The following THOC7 variants were observed in gnomAD, a reference collection of about 807,000 sequenced individuals.
THOC7 encodes NIF3L1-binding protein 1.
In THOC7, 22 loss-of-function variants were observed where a neutral mutation model predicts 33.1. That is an observed-to-expected ratio of 0.66 (90% confidence interval 0.47 to 0.95). The LOEUF is 0.95. Among genes scored for constraint, THOC7 ranks in the 40% least tolerant of loss-of-function variants. The pLI, the probability that THOC7 is intolerant of heterozygous loss-of-function variation, is 0.00. For missense variants in THOC7, 184 were observed against 245.3 expected, an observed-to-expected ratio of 0.75 and a Z score of 1.67; for synonymous variants, 77 against 76.8, an observed-to-expected ratio of 1.00 and a Z score of -0.01.
intron 1 of THOC7, among the ~76,000 whole-genome samples, chr3:63,854,205 TA>T (rs1702069434): frequency 6.6e-6 from 1 of 152,156 alleles, no homozygotes; most frequent in Non-Finnish European, 1.5e-5. Context: ...AGAAACAGAA[TA>T]AAACAAAAAG....
At chr3:63,858,014 A>G (rs569848689) in intron 1 of THOC7, among the ~76,000 whole-genome samples, 3 of 151,610 alleles carry the variant, frequency 2.0e-5, no homozygotes, top group African/African-American at 7.3e-5. Context: ...GGCACTAATG[A>G]AAAAAAAACC....
intron 3 of THOC7, 80 bp downstream of exon 3, chr3:63,838,292 C>T: frequency 9.3e-7 from 1 of 1,073,612 alleles, no homozygotes; most frequent in Non-Finnish European, 1.3e-6. Flanking sequence ...CTTTTACCAC[C>T]AAAGAAAATT....
chr3:63,852,807 CA>C (rs1702042554), intron 1 of THOC7, among the ~76,000 whole-genome samples: 1 of 152,170 alleles, frequency 6.6e-6, no homozygotes, highest in South Asian at 2.1e-4. Context: ...GCTACCAAAG[CA>C]TACACAGTTA....
intron 1 of THOC7, among the ~76,000 whole-genome samples, chr3:63,842,819 C>T (rs558238569): frequency 1.3e-5 from 2 of 152,126 alleles, no homozygotes; most frequent in African/African-American, 2.4e-5. Flanking sequence ...GAATTCACCA[C>T]TGATCTGGCT....
chr3:63,856,971 G>A (rs956826614), intron 1 of THOC7, among the ~76,000 whole-genome samples: 1 of 152,154 alleles, frequency 6.6e-6, no homozygotes, highest in African/African-American at 2.4e-5. Flanking sequence ...ACCCGCCTCG[G>A]CCTCCCCAAG....
intron 1 of THOC7, among the ~76,000 whole-genome samples, chr3:63,855,623 C>G (rs1702100871): frequency 6.6e-6 from 1 of 152,158 alleles, no homozygotes; most frequent in Admixed American, 6.5e-5. Context: ...TTGTTCTTTC[C>G]CTATATTTGC....
At chr3:63,839,526 T>TA (rs1701711445) in intron 2 of THOC7, 130 bp downstream of exon 2, 4 of 784,672 alleles carry the variant, frequency 5.1e-6, no homozygotes, top group Non-Finnish European at 6.5e-6. Flanking sequence ...AATCTACTCT[T>TA]GGTTAATTAA....
chr3:63,834,206 T>C lies in THOC7; in HGVS notation c.548-7A>G. On this transcript the variant is annotated splice_polypyrimidine_tract_variant and splice_region_variant and intron_variant, in intron 7 of 7. Coordinates refer to ENST00000295899, the MANE Select transcript of THOC7 (RefSeq NM_025075.4). ...TCTGAGAGTTTTTCATCATCTGTAA[T>C]TGAGAAGGAAACATAAAACCTTAGT... 6.2e-7 allele frequency: 1 copy of C among 1,613,844 alleles called. No homozygotes were observed.
chr3:63,861,642 GTC>G, intron 1 of THOC7: 1 of 152,244 alleles, frequency 6.6e-6, no homozygotes, highest in South Asian at 2.1e-4. Flanking sequence ...GCTAACCTGT[GTC>G]TGTTTCATCT....
intron 7 of THOC7, 133 bp from the exon 8 acceptor site, chr3:63,834,332 C>T: frequency 1.2e-6 from 1 of 812,494 alleles, no homozygotes; most frequent in South Asian, 1.8e-5. Context: ...TTGAATCAAA[C>T]TTTAAAATTT....
At chr3:63,852,581 G>C (rs911655297) in intron 1 of THOC7, among the ~76,000 whole-genome samples, 6 of 152,144 alleles carry the variant, frequency 3.9e-5, no homozygotes, top group Admixed American at 6.5e-5. Context: ...TAGAACACTA[G>C]GGAGGCTGGA....
intron 6 of THOC7, 49 bp downstream of exon 6, chr3:63,835,275 T>C (rs370012958): frequency 1.1e-5 from 17 of 1,612,234 alleles, no homozygotes; most frequent in African/African-American, 1.3e-5. Flanking sequence ...TATAGATATA[T>C]AGACAGACAG....
chr3:63,835,566 C>G (rs1701615118), intron 5 of THOC7, among the ~76,000 whole-genome samples, 176 bp from the exon 6 acceptor site: 1 of 152,078 alleles, frequency 6.6e-6, no homozygotes, highest in South Asian at 2.1e-4. Context: ...TTCTTAACTT[C>G]TAAATATGGA....
rs200510475 is a variant in THOC7 at position 63,837,965 on chromosome 3, A to G, written c.352+11T>C. On this transcript the variant is annotated intron_variant, in intron 4 of 7. Coordinates refer to ENST00000295899, the MANE Select transcript of THOC7 (RefSeq NM_025075.4). ...AATGTATTTGCACATTAAATCCCTC[A>G]AAACCCTTACCTTGGCGATTTTTTC... 9 of 1,605,794 alleles carry G rather than the reference A, an allele frequency of 5.6e-6. No individual in the cohort carries two copies. The highest frequency in any genetic ancestry group is 7.6e-6 in the Non-Finnish European group (9 of 1,177,120).
intron 1 of THOC7, chr3:63,863,411 G>A: frequency 2.8e-6 from 3 of 1,069,748 alleles, no homozygotes; most frequent in Non-Finnish European, 3.4e-6. Context: ...GACAAACCCG[G>A]ACTCCCTCTG....
intron 1 of THOC7, among the ~76,000 whole-genome samples, chr3:63,858,071 A>T (rs1702144862): frequency 6.6e-6 from 1 of 152,218 alleles, no homozygotes; most frequent in African/African-American, 2.4e-5. Flanking sequence ...TTAACATTGG[A>T]TCAGCAATTG....
intron 1 of THOC7, among the ~76,000 whole-genome samples, chr3:63,844,613 G>A (rs1485501382): frequency 6.6e-6 from 1 of 152,194 alleles, no homozygotes; most frequent in Non-Finnish European, 1.5e-5. Flanking sequence ...CTGATGAACA[G>A]GCTTATGCAG....
chr3:63,861,358 A>T (rs1702207718), intron 1 of THOC7: 1 of 152,238 alleles, frequency 6.6e-6, no homozygotes, highest in South Asian at 2.1e-4. Context: ...ACTAACAGGC[A>T]CACAGTGAAG....
intron 5 of THOC7, 36 bp downstream of exon 5, chr3:63,836,265 A>T (rs761078191): frequency 1.8e-5 from 28 of 1,585,030 alleles, no homozygotes; most frequent in Non-Finnish European, 1.3e-5. Flanking sequence ...TTATGTATAA[A>T]GGTTAGTTCC....
Sources: allele counts gnomAD v4.1 joint callset (sites outside exome capture counted in the v4.1 genomes callset), GRCh38; gene constraint gnomAD v4.1.1; transcripts MANE v1.5; gene names NCBI Gene and HGNC (gene_info 2026-07-23, HGNC 2026-07-21).